Variants in MCC observed in about 807,000 individuals in gnomAD.
MCC encodes MCC regulator of Wnt signaling pathway, also known as colorectal mutant cancer protein.
A neutral mutation model predicts 116.2 loss-of-function variants in MCC; 90 were observed. The ratio of observed to expected loss-of-function variants is 0.77; its 90% CI spans 0.65 to 0.92. MCC has a LOEUF of 0.92. Ranked by LOEUF, MCC falls within the 40% of genes least tolerant of loss-of-function variation. The pLI, the probability that MCC is intolerant of heterozygous loss-of-function variation, is 0.00. For synonymous variants in MCC, 578 were observed against 510.5 expected (o/e 1.13, Z -1.78); for missense variants, 1,516 against 1,312.2 (o/e 1.16, Z -2.40).
intron 3 of MCC, among the ~76,000 whole-genome samples, chr5:113,252,375 G>A (rs1764836261): frequency 1.3e-5 from 2 of 152,196 alleles, no homozygotes; most frequent in Admixed American, 6.5e-5. Context: ...CATCAGATCA[G>A]TGGTGGCATT....
chr5:113,327,330 T>C (rs1767580863), intron 3 of MCC, among the ~76,000 whole-genome samples: 1 of 151,806 alleles, frequency 6.6e-6, no homozygotes, highest in South Asian at 2.1e-4. Flanking sequence ...GCAGATCACC[T>C]GAGGTCAGGA....
chr5:113,226,457 A>G (rs1210936261), intron 3 of MCC, among the ~76,000 whole-genome samples: 4 of 152,266 alleles, frequency 2.6e-5, no homozygotes, highest in African/African-American at 9.6e-5. Context: ...TTCCTGGAGA[A>G]GTGTTGTGGC....
intron 1 of MCC, among the ~76,000 whole-genome samples, chr5:113,407,620 T>C (rs1769873752): frequency 6.6e-6 from 1 of 152,172 alleles, no homozygotes; most frequent in Admixed American, 6.5e-5. Flanking sequence ...TTGGTTAAAC[T>C]CCCTCATTTT....
chr5:113,103,230 T>C (rs1756536154), intron 7 of MCC, among the ~76,000 whole-genome samples: 3 of 152,218 alleles, frequency 2.0e-5, no homozygotes, highest in African/African-American at 7.2e-5. Flanking sequence ...TTCTCAAATC[T>C]TGCTGCCACT....
At chr5:113,258,421 G>A (rs1051735765) in intron 3 of MCC, among the ~76,000 whole-genome samples, 1 of 152,230 alleles carries the variant, frequency 6.6e-6, no homozygotes, top group Admixed American at 6.5e-5. Flanking sequence ...CACAGCAGGA[G>A]GTGAGCTGCA....
intron 14 of MCC, among the ~76,000 whole-genome samples, chr5:113,059,608 G>C (rs1281297859): frequency 1.3e-5 from 2 of 152,228 alleles, no homozygotes; most frequent in Non-Finnish European, 2.9e-5. Flanking sequence ...AGCGACTGTG[G>C]GGGAAGGCTA....
chr5:113,152,283 C>A (rs777796044), intron 3 of MCC, among the ~76,000 whole-genome samples: 2 of 152,188 alleles, frequency 1.3e-5, no homozygotes, highest in East Asian at 3.9e-4. Flanking sequence ...CACACATGTG[C>A]CTTCTGTGAT....
chr5:113,224,276 A>G (rs1281447695), intron 3 of MCC, among the ~76,000 whole-genome samples: 4 of 152,080 alleles, frequency 2.6e-5, no homozygotes, highest in African/African-American at 9.7e-5. Flanking sequence ...TGTTTTTAGT[A>G]GAGATGGGGT....
chr5:113,079,021 A>G (rs1432531948), intron 11 of MCC, among the ~76,000 whole-genome samples: 1 of 152,212 alleles, frequency 6.6e-6, no homozygotes, highest in Non-Finnish European at 1.5e-5. Flanking sequence ...AATAACAGAC[A>G]AACAGAGAGC....
chr5:113,319,306 A>G (rs1190280104), intron 3 of MCC, among the ~76,000 whole-genome samples: 3 of 152,252 alleles, frequency 2.0e-5, no homozygotes, highest in Admixed American at 6.5e-5. Context: ...TTCCTTGTAA[A>G]GAGAGCTCCG....
chr5:113,076,748 C>G (rs1336160987), intron 11 of MCC, among the ~76,000 whole-genome samples: 1 of 152,172 alleles, frequency 6.6e-6, no homozygotes, highest in Non-Finnish European at 1.5e-5. Context: ...GAAACTGCAT[C>G]AACTAACAAG....
intron 3 of MCC, among the ~76,000 whole-genome samples, chr5:113,299,468 G>A (rs906334116): frequency 2.6e-5 from 4 of 151,538 alleles, no homozygotes; most frequent in African/African-American, 9.7e-5. Context: ...TCATTGTCTT[G>A]GATCTCTGCT....
At chr5:113,093,473 C>CTCTG (rs974348034) in intron 8 of MCC, among the ~76,000 whole-genome samples, 2 of 150,656 alleles carry the variant, frequency 1.3e-5, no homozygotes, top group African/African-American at 4.9e-5. Context: ...CTGTTGATCT[C>CTCTG]TCTCTCTCTC....
chr5:113,114,533 T>TC (rs1757284835), intron 6 of MCC, among the ~76,000 whole-genome samples: 4 of 151,682 alleles, frequency 2.6e-5, no homozygotes, highest in Admixed American at 2.0e-4. Context: ...GCAACCTTTT[T>TC]TCCCCACTGA....
intron 3 of MCC, among the ~76,000 whole-genome samples, chr5:113,166,396 G>C (rs1427710045): frequency 6.6e-6 from 1 of 152,204 alleles, no homozygotes; most frequent in African/African-American, 2.4e-5. Flanking sequence ...ATGGGACCAA[G>C]TACAGCGGTA....
chr5:113,475,037 T>G (rs1772201018), intron 1 of MCC, among the ~76,000 whole-genome samples: 1 of 152,226 alleles, frequency 6.6e-6, no homozygotes, highest in Non-Finnish European at 1.5e-5. Flanking sequence ...TGCAGCCACA[T>G]CGTTATGAAA....
intron 2 of MCC, among the ~76,000 whole-genome samples, chr5:113,375,958 C>T (rs1768970424): frequency 6.6e-6 from 1 of 152,156 alleles, no homozygotes; most frequent in African/African-American, 2.4e-5. Context: ...TCTCTTTCTT[C>T]TGTCAATTTA....
At chr5:113,040,441 G>A (rs183077251) in intron 17 of MCC, among the ~76,000 whole-genome samples, 15 of 152,192 alleles carry the variant, frequency 9.9e-5, no homozygotes, top group Admixed American at 6.5e-4. Flanking sequence ...GGATGCCTGC[G>A]CCTACAGTTT....
chr5:113,267,335 T>C (rs473396), intron 3 of MCC, among the ~76,000 whole-genome samples: 151,493 of 152,296 alleles, frequency 0.99, 75,350 homozygotes, highest in East Asian at 1. Flanking sequence ...GTAATTATGT[T>C]TAAATTTTAT....
Sources: allele counts gnomAD v4.1 joint callset (sites outside exome capture counted in the v4.1 genomes callset), GRCh38; gene constraint gnomAD v4.1.1; transcripts MANE v1.5; gene names NCBI Gene and HGNC (gene_info 2026-07-23, HGNC 2026-07-21).